Variants in CUEDC1 observed in about 807,000 individuals in gnomAD.
The protein encoded by CUEDC1 is CUE domain-containing protein 1.
A neutral mutation model predicts 43.7 loss-of-function variants in CUEDC1; 30 were observed. The observed-to-expected ratio is 0.69, with a 90% CI of 0.51 to 0.93. The LOEUF (loss-of-function observed/expected upper bound fraction) is 0.93, where lower values mean the gene tolerates loss of function less well. CUEDC1 is among the 40% of genes least tolerant of loss of function. The pLI is 0.00. For synonymous variants in CUEDC1, 223 were observed against 223.6 expected (o/e 1.00, Z 0.02); for missense variants, 486 against 549.0 (o/e 0.89, Z 1.15).
rs2073870684 is a variant in CUEDC1, at chr17:57,861,499, G to A, written c.*1790C>T. On this transcript the variant is annotated 3_prime_UTR_variant, in exon 11 of 11. Transcript: ENST00000577830. ...GGCCAGGCAAGGCAGGGGTACCCTA[G>A]GGATGCGACGCGGGGCTCCTGGGGA... 6.6e-6 allele frequency: 1 copy of A among 152,348 alleles called. No individual in the cohort carries two copies. The highest frequency in any genetic ancestry group is 1.5e-5 in the Non-Finnish European group (1 of 68,174). 9.4% of individuals were successfully genotyped at this position (152,348 alleles called of 1,614,324 possible).
At chr17:57,950,974 C>T (rs1321120161) in intron 1 of CUEDC1, among the ~76,000 whole-genome samples, 1 of 152,064 alleles carries the variant, frequency 6.6e-6, no homozygotes, top group African/African-American at 2.4e-5. Context: ...GAGTTGGTTC[C>T]ACAGCAGGGC....
At chr17:57,920,967 T>C (rs995321341) in intron 1 of CUEDC1, among the ~76,000 whole-genome samples, 37 of 152,330 alleles carry the variant, frequency 2.4e-4, no homozygotes, top group African/African-American at 8.2e-4. Flanking sequence ...TATAGTTGTA[T>C]ATAGGTTATA....
At chr17:57,890,838 C>G (rs755423756) in intron 1 of CUEDC1, among the ~76,000 whole-genome samples, 8 of 152,238 alleles carry the variant, frequency 5.3e-5, no homozygotes, top group African/African-American at 9.6e-5. Flanking sequence ...GCTATGAGAG[C>G]TGGGGAGCCA....
At chr17:57,880,423 G>A (rs560142689) in intron 2 of CUEDC1, among the ~76,000 whole-genome samples, 21 of 152,304 alleles carry the variant, frequency 1.4e-4, no homozygotes, top group Non-Finnish European at 2.8e-4. Flanking sequence ...TGGACCACAA[G>A]GGTCCCTCCT....
intron 1 of CUEDC1, among the ~76,000 whole-genome samples, chr17:57,948,130 C>T (rs2074974755): frequency 6.6e-6 from 1 of 152,208 alleles, no homozygotes; most frequent in Admixed American, 6.5e-5. Context: ...CTGTTATTTA[C>T]TCATTCATCC....
At chr17:57,872,409 G>C (rs374677146) in intron 5 of CUEDC1, among the ~76,000 whole-genome samples, 4 of 152,186 alleles carry the variant, frequency 2.6e-5, no homozygotes, top group Non-Finnish European at 5.9e-5. Flanking sequence ...GGTGTGCAAA[G>C]GGAAGAAGGC....
chr17:57,934,373 C>G (rs535078227), intron 1 of CUEDC1, among the ~76,000 whole-genome samples: 2 of 151,806 alleles, frequency 1.3e-5, no homozygotes, highest in Non-Finnish European at 2.9e-5. Context: ...GCCTGGGAAA[C>G]AGAGCAAGAC....
chr17:57,899,539 C>T (rs1331746622), intron 1 of CUEDC1, among the ~76,000 whole-genome samples: 2 of 152,140 alleles, frequency 1.3e-5, no homozygotes, highest in Non-Finnish European at 1.5e-5. Context: ...CGTGAGACTC[C>T]TGGCCAGTGC....
At chr17:57,931,847 T>C (rs929202318) in intron 1 of CUEDC1, among the ~76,000 whole-genome samples, 1 of 152,168 alleles carries the variant, frequency 6.6e-6, no homozygotes, top group Non-Finnish European at 1.5e-5. Context: ...CACGAGCCTC[T>C]TTCTCCTTTG....
At chr17:57,866,347 G>A (rs1310482997) in intron 10 of CUEDC1, 127 bp downstream of exon 10, 9 of 722,372 alleles carry the variant, frequency 1.2e-5, no homozygotes, top group East Asian at 2.6e-5. Flanking sequence ...GGGAAGACAC[G>A]TGGGGCCTGT....
chr17:57,939,383 G>C (rs2074894366), intron 1 of CUEDC1, among the ~76,000 whole-genome samples: 1 of 151,194 alleles, frequency 6.6e-6, no homozygotes, highest in Non-Finnish European at 1.5e-5. Flanking sequence ...TCCCACCTCA[G>C]CCTCCCAAGT....
intron 3 of CUEDC1, among the ~76,000 whole-genome samples, chr17:57,874,675 C>CTGAGAA (rs969832592): frequency 2.4e-4 from 37 of 152,200 alleles, no homozygotes; most frequent in Admixed American, 1.2e-3. Context: ...ATCAGGAAAA[C>CTGAGAA]GGCACACTGA....
chr17:57,944,700 G>C (rs1204911259), intron 1 of CUEDC1, among the ~76,000 whole-genome samples: 3 of 152,146 alleles, frequency 2.0e-5, no homozygotes, highest in African/African-American at 7.2e-5. Flanking sequence ...GCAGAGCTAA[G>C]ACTGGAACTC....
intron 1 of CUEDC1, among the ~76,000 whole-genome samples, chr17:57,897,654 G>GA (rs58748550): frequency 0.053 from 5,741 of 109,314 alleles, 218 homozygotes; most frequent in East Asian, 0.33. Context: ...TGGTCTCAAT[G>GA]AAAAAAAAAA....
At chr17:57,943,748 G>C (rs963703539) in intron 1 of CUEDC1, among the ~76,000 whole-genome samples, 5 of 152,094 alleles carry the variant, frequency 3.3e-5, no homozygotes, top group Admixed American at 2.0e-4. Context: ...ATCTCTGCCA[G>C]ATCTCCTCAG....
At position 57,875,196 on chromosome 17, in the gene CUEDC1, G is replaced by A. The variant is rs553698807; in HGVS notation, c.465-1479C>T. On this transcript the variant is annotated intron_variant, in intron 3 of 10. Transcript: ENST00000577830. ...ACCACCCCAGGCTACAGCAGGGAGG[G>A]ACCCTCGCCAGGGGTATTACCAGTT... 2.8e-4 allele frequency among the ~76,000 whole-genome samples: 43 copies of A among 152,308 alleles called. 1 individual carries two copies. The South Asian group carries it at 8.5e-3, about 30-fold the overall frequency.
Position 57,887,655 on chromosome 17 carries a change from C to CTTTTTTTTTTTTTTTTTTT in CUEDC1, c.-315-1795_-315-1777dup, listed in dbSNP as rs3085786. On this transcript the variant is annotated intron_variant, in intron 1 of 10. Transcript: ENST00000577830. ...TACAGGTACACGCCACCACGCCTGG[C>CTTTTTTTTTTTTTTTTTTT]TTTTTTTTTTTTTTTTTTTTTGTAT... 4.0e-4 allele frequency among the ~76,000 whole-genome samples: 23 copies of CTTTTTTTTTTTTTTTTTTT among 58,030 alleles called. 1 individual carries two copies. Among genetic ancestry groups the CTTTTTTTTTTTTTTTTTTT allele is most frequent in the Middle Eastern group, 0.023 (1 of 44 alleles). The allele number at this position is 58,030 out of a possible 152,430, so 38.1% of individuals were successfully genotyped here. A position where few individuals can be genotyped will look rare whatever the true frequency, so the allele number is the denominator to read the frequency against.
At chr17:57,867,142 G>C in intron 9 of CUEDC1, 1 of 603,716 alleles carries the variant, frequency 1.7e-6, no homozygotes, top group Non-Finnish European at 3.0e-6. Context: ...CATCTAGGTG[G>C]AAGTAGGGCT....
At chr17:57,947,249 G>A (rs948331240) in intron 1 of CUEDC1, among the ~76,000 whole-genome samples, 1 of 151,780 alleles carries the variant, frequency 6.6e-6, no homozygotes, top group African/African-American at 2.4e-5. Context: ...AGTTCTTGCC[G>A]TCGTGTTTGC....
Sources: gnomAD v4.1 joint callset for allele counts (sites outside exome capture counted in the v4.1 genomes callset) on GRCh38, gnomAD v4.1.1 for gene constraint, MANE v1.5 for transcripts, NCBI Gene and HGNC (gene_info 2026-07-23, HGNC 2026-07-21) for gene names.